Variants in NXPE2 observed in about 807,000 individuals in gnomAD.
NXPE2 encodes NXPE family member 2.
In NXPE2, 34 loss-of-function variants were observed where a neutral mutation model predicts 34.4. The observed-to-expected ratio is 0.99, with a 90% CI of 0.75 to 1.31. NXPE2 has a LOEUF of 1.31. Ranked by LOEUF, NXPE2 falls within the 40% of genes most tolerant of loss-of-function variation. NXPE2 has a pLI of 0.00. For missense variants in NXPE2, 649 were observed against 672.5 expected (o/e 0.97, Z 0.39); for synonymous variants, 235 against 231.3 (o/e 1.02, Z -0.15).
At chr11:114,635,886 T>C in the NXPE2 span, among the ~76,000 whole-genome samples, 1 of 152,102 alleles carries the variant, frequency 6.6e-6, no homozygotes, top group African/African-American at 2.4e-5. Flanking sequence ...ATCGAGAATT[T>C]TTGCATCAAT....
the NXPE2 span, among the ~76,000 whole-genome samples, chr11:114,622,648 G>T: frequency 3.3e-5 from 5 of 152,068 alleles, no homozygotes; most frequent in African/African-American, 9.7e-5. Flanking sequence ...TTGCCTCGTG[G>T]GTAACCAGTG....
At chr11:114,469,045 T>C in the NXPE2 span, among the ~76,000 whole-genome samples, 4 of 149,904 alleles carry the variant, frequency 2.7e-5, no homozygotes, top group Non-Finnish European at 5.9e-5. Context: ...CTAAATAGTA[T>C]AACCCTGAAA....
At chr11:114,547,666 C>T in the NXPE2 span, among the ~76,000 whole-genome samples, 23 of 152,230 alleles carry the variant, frequency 1.5e-4, no homozygotes, top group South Asian at 1.0e-3. Flanking sequence ...ACCTAGGAGG[C>T]AGAGGTTGCA....
chr11:114,555,719 G>T, the NXPE2 span, among the ~76,000 whole-genome samples: 1 of 152,116 alleles, frequency 6.6e-6, no homozygotes, highest in Non-Finnish European at 1.5e-5. Context: ...CACAGATTTA[G>T]TTTTTGGCAC....
the NXPE2 span, among the ~76,000 whole-genome samples, chr11:114,536,285 G>C: frequency 2.0e-5 from 3 of 152,208 alleles, no homozygotes; most frequent in Non-Finnish European, 4.4e-5. Flanking sequence ...TCAAAGCAGT[G>C]TGTAGAGGGA....
the NXPE2 span, among the ~76,000 whole-genome samples, chr11:114,536,366 A>T: frequency 6.6e-6 from 1 of 152,228 alleles, no homozygotes; most frequent in Non-Finnish European, 1.5e-5. Context: ...CATCACAATT[A>T]AAAGAACTAG....
the NXPE2 span, among the ~76,000 whole-genome samples, chr11:114,639,530 G>T: frequency 6.6e-6 from 1 of 151,178 alleles, no homozygotes; most frequent in African/African-American, 2.4e-5. Flanking sequence ...TACCTCAGGT[G>T]GAAATGCAGA....
At chr11:114,807,307 C>T in the NXPE2 span, among the ~76,000 whole-genome samples, 1 of 152,164 alleles carries the variant, frequency 6.6e-6, no homozygotes, top group Non-Finnish European at 1.5e-5. Flanking sequence ...AACAAGCTAA[C>T]ATCATAATGA....
chr11:114,727,842 G>T, the NXPE2 span, among the ~76,000 whole-genome samples: 1 of 143,262 alleles, frequency 7.0e-6, no homozygotes, highest in Middle Eastern at 3.8e-3. Flanking sequence ...TCTTCCATTT[G>T]GAAGATCACA....
chr11:114,527,158 T>G, the NXPE2 span: 8 of 152,546 alleles, frequency 5.2e-5, no homozygotes, highest in African/African-American at 1.7e-4. Flanking sequence ...TCATGATGAT[T>G]GGGTTTTCAT....
chr11:114,598,904 C>T, the NXPE2 span, among the ~76,000 whole-genome samples: 1 of 152,242 alleles, frequency 6.6e-6, no homozygotes, highest in Admixed American at 6.5e-5. Flanking sequence ...ATGGCTTGCA[C>T]TCTTTTTGCA....
the NXPE2 span, among the ~76,000 whole-genome samples, chr11:114,748,057 G>A: frequency 2.6e-5 from 4 of 152,036 alleles, no homozygotes; most frequent in African/African-American, 7.2e-5. Context: ...GAAGTCATCT[G>A]GTGTTTGTCT....
the NXPE2 span, among the ~76,000 whole-genome samples, chr11:114,663,637 C>CTATCTATCATCT: frequency 0.016 from 2,179 of 138,750 alleles, 19 homozygotes; most frequent in East Asian, 0.018. Context: ...ATCTATCTAT[C>CTATCTATCATCT]ATCTATCCAT....
At chr11:114,780,272 AGCT>A in the NXPE2 span, among the ~76,000 whole-genome samples, 1 of 152,220 alleles carries the variant, frequency 6.6e-6, no homozygotes, top group Non-Finnish European at 1.5e-5. Context: ...CAGCTTCAGC[AGCT>A]GCTGGGCTCC....
the NXPE2 span, among the ~76,000 whole-genome samples, chr11:114,743,147 T>C: frequency 1.3e-5 from 2 of 152,338 alleles, no homozygotes; most frequent in Admixed American, 6.5e-5. Context: ...TTAACCAAAC[T>C]GTTTTTTTTA....
At chr11:114,652,332 G>C in the NXPE2 span, among the ~76,000 whole-genome samples, 1 of 152,198 alleles carries the variant, frequency 6.6e-6, no homozygotes, top group African/African-American at 2.4e-5. Context: ...AAAGGCTTCA[G>C]AGCACCAGAG....
At chr11:114,710,649 C>T (rs1269334297), downstream of NXPE2, among the ~76,000 whole-genome samples, 1 of 152,028 alleles carries the variant, frequency 6.6e-6, no homozygotes, top group Non-Finnish European at 1.5e-5. Flanking sequence ...GCCCAGATGG[C>T]TTCAGTGGAG....
At chr11:114,513,696 A>G in the NXPE2 span, among the ~76,000 whole-genome samples, 432 of 152,322 alleles carry the variant, frequency 2.8e-3, 1 homozygote, top group African/African-American at 9.6e-3. Flanking sequence ...TAAAAAACCC[A>G]TTGAACCTAA....
the NXPE2 span, chr11:114,553,740 C>A: frequency 1.6e-4 from 153 of 985,246 alleles, no homozygotes; most frequent in Non-Finnish European, 1.8e-4. Context: ...CTTTAAGATG[C>A]CTCCATTTGG....
Sources: gnomAD v4.1 joint callset for allele counts (sites outside exome capture counted in the v4.1 genomes callset) on GRCh38, gnomAD v4.1.1 for gene constraint, MANE v1.5 for transcripts, NCBI Gene and HGNC (gene_info 2026-07-23, HGNC 2026-07-21) for gene names.